CEP128: variants seen among roughly 807,000 people sequenced by gnomAD.
CEP128 encodes the protein centrosomal protein 128kDa.
A neutral mutation model predicts 156.7 loss-of-function variants in CEP128; 132 were observed. That is an observed-to-expected ratio of 0.84 (90% CI 0.73 to 0.97). The LOEUF (loss-of-function observed/expected upper bound fraction) is 0.97. CEP128 is among the 50% of genes least tolerant of loss of function. The pLI, the probability that CEP128 is intolerant of heterozygous loss-of-function variation, is 0.00. For missense variants in CEP128, 1,252 were observed against 1,281.9 expected (o/e 0.98, Z 0.36); for synonymous variants, 469 against 448.9 (o/e 1.04, Z -0.57).
upstream of CEP128, among the ~76,000 whole-genome samples, chr14:80,942,631 G>C (rs1011979548): frequency 1.3e-5 from 2 of 152,080 alleles, no homozygotes; most frequent in East Asian, 1.9e-4. Flanking sequence ...TAATAACAAG[G>C]GTTCCTTAAT....
rs1889006847 is a variant in CEP128 at position 80,527,053 on chromosome 14, G to C, written c.2959-71C>G. ...AAATCAGTGCTTGAAATTAGAGTAAGAAAGAGTCTATATGTAGATAAAAAT... is the reference window on the plus strand; with the variant it reads ...AAATCAGTGCTTGAAATTAGAGTAACAAAGAGTCTATATGTAGATAAAAAT... On this transcript the variant is annotated intron_variant, in intron 22 of 24. Coordinates refer to ENST00000555265, the MANE Select transcript of CEP128 (RefSeq NM_152446.5). 5.5e-6 allele frequency: 4 copies of C among 732,094 alleles called. No homozygotes were observed. In the African/African-American group the frequency reaches 7.2e-5, roughly 13 times the overall value. 45.3% of individuals were successfully genotyped at this position (732,094 alleles called of 1,614,324 possible).
intron 18 of CEP128, among the ~76,000 whole-genome samples, chr14:80,749,430 T>G (rs745781752): frequency 2.0e-4 from 30 of 152,136 alleles, no homozygotes; most frequent in Non-Finnish European, 3.8e-4. Context: ...ATATACACAG[T>G]GGAGTACTAT....
chr14:80,793,213 A>G, intron 13 of CEP128, 103 bp from the exon 14 acceptor site: 1 of 838,440 alleles, frequency 1.2e-6, no homozygotes. Flanking sequence ...AGTGGAAATC[A>G]TCTGTATTAA....
chr14:80,685,992 A>T (rs1896509627), intron 19 of CEP128, among the ~76,000 whole-genome samples: 1 of 152,118 alleles, frequency 6.6e-6, no homozygotes, highest in Admixed American at 6.6e-5. Flanking sequence ...ATAAAACCTT[A>T]AACTATGAGA....
chr14:80,956,374 A>G (rs1005672236), intron 2 of CEP128, among the ~76,000 whole-genome samples: 40 of 152,262 alleles, frequency 2.6e-4, no homozygotes, highest in African/African-American at 8.2e-4. Flanking sequence ...AGTATCTGTA[A>G]GTTACTTACT....
chr14:80,682,910 A>G (rs1896378649), intron 19 of CEP128, among the ~76,000 whole-genome samples: 1 of 152,216 alleles, frequency 6.6e-6, no homozygotes, highest in South Asian at 2.1e-4. Context: ...ATTTGTTACC[A>G]CTAGACCAGC....
intron 9 of CEP128, among the ~76,000 whole-genome samples, chr14:80,844,407 G>T (rs1309869131): frequency 6.6e-6 from 1 of 152,000 alleles, no homozygotes; most frequent in Non-Finnish European, 1.5e-5. Flanking sequence ...AAGTAGAAAT[G>T]CTTGATAAAA....
At chr14:80,935,410 G>A (rs1168409149) in intron 2 of CEP128, among the ~76,000 whole-genome samples, 1 of 151,730 alleles carries the variant, frequency 6.6e-6, no homozygotes, top group African/African-American at 2.4e-5. Flanking sequence ...AATTAGCTGG[G>A]TGTGGTGCTG....
At chr14:80,780,534 AT>A (rs1192939631) in intron 15 of CEP128, among the ~76,000 whole-genome samples, 2 of 152,112 alleles carry the variant, frequency 1.3e-5, no homozygotes, top group African/African-American at 4.8e-5. Flanking sequence ...AAGCTTTCAA[AT>A]TTAAAAAAAA....
At chr14:80,606,123 TA>T (rs199833478) in intron 19 of CEP128, among the ~76,000 whole-genome samples, 9 of 152,032 alleles carry the variant, frequency 5.9e-5, no homozygotes, top group Non-Finnish European at 1.0e-4. Flanking sequence ...TTGCTAAACA[TA>T]AAAAAATCCT....
intron 19 of CEP128, among the ~76,000 whole-genome samples, chr14:80,601,768 T>C (rs528266377): frequency 1.3e-5 from 2 of 152,328 alleles, no homozygotes; most frequent in South Asian, 4.1e-4. Flanking sequence ...GACATTATGA[T>C]GGCTATGACA....
At chr14:80,694,204 T>C (rs1323521653) in intron 19 of CEP128, among the ~76,000 whole-genome samples, 1 of 151,990 alleles carries the variant, frequency 6.6e-6, no homozygotes, top group East Asian at 1.9e-4. Context: ...AAAACCACAG[T>C]GAGATACCAT....
At chr14:80,911,886 A>T (rs1304906624) in intron 4 of CEP128, among the ~76,000 whole-genome samples, 1 of 152,214 alleles carries the variant, frequency 6.6e-6, no homozygotes, top group Non-Finnish European at 1.5e-5. Context: ...TACAACTCAG[A>T]TGGAAATACC....
intron 6 of CEP128, among the ~76,000 whole-genome samples, chr14:80,900,850 A>T (rs1883511083): frequency 6.6e-6 from 1 of 152,242 alleles, no homozygotes; most frequent in Non-Finnish European, 1.5e-5. Context: ...AAGCAGAAAC[A>T]GTGTCAGGAT....
chr14:80,515,093 T>A (rs1888428471), intron 23 of CEP128, among the ~76,000 whole-genome samples: 1 of 152,186 alleles, frequency 6.6e-6, no homozygotes, highest in Non-Finnish European at 1.5e-5. Flanking sequence ...ATGAAATCTC[T>A]CTCTCCATGA....
At chr14:80,512,279 A>T (rs1888296665) in intron 23 of CEP128, among the ~76,000 whole-genome samples, 1 of 151,952 alleles carries the variant, frequency 6.6e-6, no homozygotes, top group African/African-American at 2.4e-5. Context: ...TATTTTTACA[A>T]TTGTTATATC....
intron 19 of CEP128, among the ~76,000 whole-genome samples, chr14:80,600,428 A>G (rs1892532240): frequency 6.6e-6 from 1 of 152,198 alleles, no homozygotes; most frequent in African/African-American, 2.4e-5. Flanking sequence ...TTGTATCAGA[A>G]ATCAAGGCTA....
chr14:80,739,555 G>A (rs1193093302), intron 19 of CEP128, among the ~76,000 whole-genome samples: 1 of 152,038 alleles, frequency 6.6e-6, no homozygotes, highest in Non-Finnish European at 1.5e-5. Flanking sequence ...ATGACTAGTA[G>A]TACATACAGA....
intron 19 of CEP128, among the ~76,000 whole-genome samples, chr14:80,682,814 C>T (rs1896374792): frequency 6.6e-6 from 1 of 152,010 alleles, no homozygotes; most frequent in Non-Finnish European, 1.5e-5. Flanking sequence ...AAATAAATTC[C>T]AAAAAACAAT....
Sources: allele counts gnomAD v4.1 joint callset (sites outside exome capture counted in the v4.1 genomes callset), GRCh38; gene constraint gnomAD v4.1.1; transcripts MANE v1.5; gene names NCBI Gene and HGNC (gene_info 2026-07-23, HGNC 2026-07-21).